XKR4: variants seen among roughly 807,000 people sequenced by gnomAD.
XKR4 encodes the protein XK related 4, also known as XK-related protein 4.
A neutral mutation model predicts 53.9 loss-of-function variants in XKR4; 12 were observed. That is an observed-to-expected ratio of 0.22 (90% CI 0.14 to 0.36). XKR4 has a LOEUF of 0.36. Among genes scored for constraint, XKR4 ranks in the 10% least tolerant of loss-of-function variants. XKR4 has a pLI of 1.00. For missense variants in XKR4, 799 were observed against 859.5 expected (o/e 0.93, Z 0.88); for synonymous variants, 354 against 362.4 (o/e 0.98, Z 0.26).
intron 2 of XKR4, among the ~76,000 whole-genome samples, chr8:55,465,805 C>T (rs1420063442): frequency 6.6e-6 from 1 of 152,012 alleles, no homozygotes; most frequent in Non-Finnish European, 1.5e-5. Context: ...AAACAAACAA[C>T]CCCATCAAAA....
chr8:55,139,050 C>T (rs1335891492), intron 1 of XKR4, among the ~76,000 whole-genome samples: 1 of 152,132 alleles, frequency 6.6e-6, no homozygotes, highest in Non-Finnish European at 1.5e-5. Flanking sequence ...TGAAAGTGTA[C>T]ATGGTACCTG....
At chr8:55,110,458 T>G (rs780704568) in intron 1 of XKR4, among the ~76,000 whole-genome samples, 9 of 152,206 alleles carry the variant, frequency 5.9e-5, no homozygotes, top group Non-Finnish European at 1.2e-4. Context: ...ACCCAGGCAC[T>G]ATTCTTTCTT....
intron 2 of XKR4, among the ~76,000 whole-genome samples, chr8:55,396,594 G>A (rs527753439): frequency 6.6e-6 from 1 of 152,174 alleles, no homozygotes; most frequent in East Asian, 1.9e-4. Flanking sequence ...CACAGTCATA[G>A]TTAGAGCCGG....
chr8:55,491,271 C>T (rs1806268957), intron 2 of XKR4, among the ~76,000 whole-genome samples: 1 of 152,192 alleles, frequency 6.6e-6, no homozygotes, highest in Non-Finnish European at 1.5e-5. Context: ...TTAACACTTG[C>T]TAATTCCATC....
chr8:55,287,380 A>G (rs538154662), intron 1 of XKR4, among the ~76,000 whole-genome samples: 1 of 152,258 alleles, frequency 6.6e-6, no homozygotes, highest in Non-Finnish European at 1.5e-5. Context: ...GCACATTTGC[A>G]TATTAGAGGC....
chr8:55,413,610 T>C (rs1804805212), intron 2 of XKR4, among the ~76,000 whole-genome samples: 1 of 152,232 alleles, frequency 6.6e-6, no homozygotes, highest in African/African-American at 2.4e-5. Context: ...ATCCTTTAAA[T>C]GTCCTTTAAT....
chr8:55,418,188 A>T (rs1804876840), intron 2 of XKR4, among the ~76,000 whole-genome samples: 2 of 152,134 alleles, frequency 1.3e-5, no homozygotes, highest in South Asian at 4.1e-4. Context: ...TCGAGTGGCC[A>T]TTGGATTAGA....
chr8:55,270,632 C>T (rs898368765), intron 1 of XKR4, among the ~76,000 whole-genome samples: 3 of 152,190 alleles, frequency 2.0e-5, no homozygotes, highest in Non-Finnish European at 4.4e-5. Context: ...GATTCTACTC[C>T]TCTGAGAGTG....
intron 1 of XKR4, among the ~76,000 whole-genome samples, chr8:55,199,576 C>G (rs12544280): frequency 0.3 from 45,510 of 152,072 alleles, 7,732 homozygotes; most frequent in African/African-American, 0.47. Context: ...GGATATTAAC[C>G]ACCTGCGCAG....
intron 2 of XKR4, among the ~76,000 whole-genome samples, chr8:55,507,918 T>G (rs1166689507): frequency 6.6e-6 from 1 of 152,144 alleles, no homozygotes; most frequent in African/African-American, 2.4e-5. Flanking sequence ...CCTGAGGAAT[T>G]GCCATACTGA....
intron 2 of XKR4, among the ~76,000 whole-genome samples, chr8:55,433,896 G>A (rs1354582044): frequency 6.6e-6 from 1 of 152,134 alleles, no homozygotes; most frequent in Non-Finnish European, 1.5e-5. Context: ...AACTGGGCGT[G>A]GCACACAGGC....
At chr8:55,279,920 A>G (rs1360229731) in intron 1 of XKR4, among the ~76,000 whole-genome samples, 2 of 152,186 alleles carry the variant, frequency 1.3e-5, no homozygotes, top group Non-Finnish European at 2.9e-5. Flanking sequence ...ATGTAAACCA[A>G]TGATCATGCG....
chr8:55,468,739 G>C (rs1805825499), intron 2 of XKR4, among the ~76,000 whole-genome samples: 1 of 152,100 alleles, frequency 6.6e-6, no homozygotes, highest in Non-Finnish European at 1.5e-5. Context: ...AAACGAAAAA[G>C]TGAAACAAGC....
At chr8:55,208,716 C>T (rs970592845) in intron 1 of XKR4, among the ~76,000 whole-genome samples, 3 of 152,104 alleles carry the variant, frequency 2.0e-5, no homozygotes, top group Non-Finnish European at 4.4e-5. Flanking sequence ...CTGCCTGCCT[C>T]AGCCTCCCAA....
At chr8:55,202,092 C>G (rs150430401) in intron 1 of XKR4, among the ~76,000 whole-genome samples, 78 of 152,342 alleles carry the variant, frequency 5.1e-4, no homozygotes, top group African/African-American at 1.8e-3. Flanking sequence ...GAGGAAAGAA[C>G]TGGTGCCAAC....
chr8:55,172,954 C>T (rs1817182729), intron 1 of XKR4, among the ~76,000 whole-genome samples: 2 of 152,192 alleles, frequency 1.3e-5, no homozygotes, highest in South Asian at 4.1e-4. Context: ...TTTCCTCTGA[C>T]TGTAGAACAT....
chr8:55,450,679 G>C (rs1016525100), intron 2 of XKR4: 5 of 589,228 alleles, frequency 8.5e-6, no homozygotes, highest in East Asian at 3.8e-5. Flanking sequence ...GCTCTGTCCA[G>C]CCAGAATGTG....
At chr8:55,301,238 A>G (rs1434651933) in intron 1 of XKR4, among the ~76,000 whole-genome samples, 2 of 148,304 alleles carry the variant, frequency 1.3e-5, no homozygotes, top group African/African-American at 2.5e-5. Context: ...GAGTGAGAAC[A>G]TGCGGTGTTT....
intron 1 of XKR4, among the ~76,000 whole-genome samples, chr8:55,348,357 TGTGAGGGAGG>T (rs1803678787): frequency 6.6e-6 from 1 of 152,186 alleles, no homozygotes; most frequent in Non-Finnish European, 1.5e-5. Context: ...CCACACAGCC[TGTGAGGGAGG>T]GACAGCCATC....
Sources: allele counts gnomAD v4.1 joint callset (sites outside exome capture counted in the v4.1 genomes callset), GRCh38; gene constraint gnomAD v4.1.1; transcripts MANE v1.5; gene names NCBI Gene and HGNC (gene_info 2026-07-23, HGNC 2026-07-21).